Variants in MALRD1 observed in about 807,000 individuals in gnomAD.
MALRD1 encodes MAM and LDL-receptor class A domain-containing protein 1.
In MALRD1, 247 loss-of-function variants were observed where a neutral mutation model predicts 242.1. The observed-to-expected ratio is 1.02, with a 90% CI of 0.92 to 1.13. The LOEUF (loss-of-function observed/expected upper bound fraction) is 1.13. MALRD1 is among the 50% of genes most tolerant of loss of function. The pLI is 0.00. For synonymous variants in MALRD1, 995 were observed against 866.6 expected (o/e 1.15, Z -2.60); for missense variants, 2,989 against 2,533.1 (o/e 1.18, Z -3.86).
At chr10:19,281,778 C>G (rs1026329248) in intron 20 of MALRD1, among the ~76,000 whole-genome samples, 1 of 152,052 alleles carries the variant, frequency 6.6e-6, no homozygotes, top group African/African-American at 2.4e-5. Context: ...TTGAGACCAG[C>G]TTGGCCAACA....
chr10:19,142,197 A>AAAAAAAAT (rs1833573050), intron 10 of MALRD1, among the ~76,000 whole-genome samples: 1 of 148,576 alleles, frequency 6.7e-6, no homozygotes, highest in African/African-American at 2.5e-5. Context: ...AAAAAAAAAA[A>AAAAAAAAT]GTGGAATGCT....
chr10:19,498,989 T>C (rs1037442134), intron 31 of MALRD1, among the ~76,000 whole-genome samples: 4 of 152,150 alleles, frequency 2.6e-5, no homozygotes, highest in Non-Finnish European at 2.9e-5. Flanking sequence ...CAACTGGCAA[T>C]GCTAAAAGTT....
At chr10:19,678,348 G>GGA (rs1842222301) in intron 36 of MALRD1, among the ~76,000 whole-genome samples, 1 of 152,126 alleles carries the variant, frequency 6.6e-6, no homozygotes, top group African/African-American at 2.4e-5. Flanking sequence ...CTTTCCTTGA[G>GGA]GAGAGGTTTG....
rs572603267 is a variant in MALRD1 at position 19,292,274 on chromosome 10, C to T, written c.3419+9093C>T. On this transcript the variant is annotated intron_variant, in intron 21 of 39. Transcript: ENST00000454679. ...CGTTTTTGCATACATGATCTCTTCT[C>T]GGTCTAATCAAAATTACCTTTGTCT... Among the ~76,000 whole-genome samples the T allele has an allele frequency of 1.9e-3, 295 of 152,072 alleles. 2 individuals carry two copies. The highest frequency in any genetic ancestry group is 3.4e-3 in the Middle Eastern group (1 of 294).
intron 8 of MALRD1, among the ~76,000 whole-genome samples, chr10:19,129,857 CTA>C (rs1182748928): frequency 6.7e-6 from 1 of 149,100 alleles, no homozygotes; most frequent in Non-Finnish European, 1.5e-5. Flanking sequence ...ATATATATCT[CTA>C]CACATCCATA....
chr10:19,702,574 G>T (rs1232579697), intron 38 of MALRD1, among the ~76,000 whole-genome samples: 1 of 152,084 alleles, frequency 6.6e-6, no homozygotes, highest in Admixed American at 6.6e-5. Context: ...AGATTATCTA[G>T]AATTTATTTA....
intron 18 of MALRD1, among the ~76,000 whole-genome samples, chr10:19,215,762 C>T (rs2358359): frequency 0.81 from 79,210 of 97,494 alleles, 34,940 homozygotes; most frequent in African/African-American, 0.91. Flanking sequence ...TTAGTATAAA[C>T]AAATAATTTA....
intron 29 of MALRD1, among the ~76,000 whole-genome samples, chr10:19,453,937 C>T (rs1835474806): frequency 6.6e-6 from 1 of 151,974 alleles, no homozygotes; most frequent in Non-Finnish European, 1.5e-5. Flanking sequence ...GCCTGTAGTC[C>T]CAGCTACTCA....
rs10827306 is a variant in MALRD1 at position 19,352,106 on chromosome 10, T to A, written c.4250T>A (p.Val1417Glu). ...NQTKVLLNLTVEQGNFWRREE... is the reference protein window; with the variant it reads ...NQTKVLLNLTEEQGNFWRREE... ...ACGAAGGTTCTACTTAACCTCACTG[T>A]AGAACAAGGCAATTTCTGGCGGAGA... Residue 1417 changes from valine to glutamate, a missense_variant, in exon 26 of 40, where the codon GTA becomes GAA. Transcript: ENST00000454679. The A allele has an allele frequency of 5.1e-4, 793 of 1,550,334 alleles. 1 individual carries two copies. The highest frequency in any genetic ancestry group is 6.3e-4 in the Non-Finnish European group (725 of 1,146,894).
chr10:19,049,557 C>T (rs1221742632), intron 1 of MALRD1, among the ~76,000 whole-genome samples: 2 of 152,132 alleles, frequency 1.3e-5, no homozygotes, highest in Admixed American at 6.5e-5. Context: ...ATTTTATTTT[C>T]ATTTACAGAA....
intron 38 of MALRD1, chr10:19,728,561 T>G (rs1835147923): frequency 6.6e-6 from 1 of 152,160 alleles, no homozygotes; most frequent in East Asian, 1.9e-4. Context: ...GGTTGTATGC[T>G]CAGGCTTTGA....
At chr10:19,360,752 G>T (rs1844856687) in intron 26 of MALRD1, among the ~76,000 whole-genome samples, 1 of 151,968 alleles carries the variant, frequency 6.6e-6, no homozygotes, top group Non-Finnish European at 1.5e-5. Context: ...TTTACCCAGT[G>T]CATCAATTTA....
In MALRD1 at chr10:19,273,339, T is replaced by C. The variant is rs78767758; in HGVS notation, c.3080-6708T>C. 9.2e-3 allele frequency among the ~76,000 whole-genome samples: 1,407 copies of C among 152,288 alleles called. 16 individuals are homozygous for C. The highest frequency in any genetic ancestry group is 0.032 in the African/African-American group (1,332 of 41,566). ...CTTTGAAAAAGGTTTGATATTTTCT[T>C]TTAGAATTAAACATAGTCTTACCAT... On this transcript the variant is annotated intron_variant, in intron 19 of 39. Transcript: ENST00000454679.
chr10:19,208,096 T>C (rs1836866983), intron 17 of MALRD1, among the ~76,000 whole-genome samples: 1 of 152,136 alleles, frequency 6.6e-6, no homozygotes, highest in Non-Finnish European at 1.5e-5. Context: ...TTTTTTTTTT[T>C]TTTACCACAG....
At chr10:19,178,974 G>A (rs758507705) in intron 14 of MALRD1, among the ~76,000 whole-genome samples, 1 of 152,168 alleles carries the variant, frequency 6.6e-6, no homozygotes, top group Non-Finnish European at 1.5e-5. Context: ...ATGACTTGCC[G>A]GTGAGAACAA....
intron 14 of MALRD1, among the ~76,000 whole-genome samples, chr10:19,194,088 A>G (rs1183356687): frequency 2.6e-5 from 4 of 151,992 alleles, no homozygotes; most frequent in Non-Finnish European, 5.9e-5. Context: ...TCATATCACC[A>G]TAGTACTAAC....
At chr10:19,313,648 T>G (rs1215575075) in intron 21 of MALRD1, among the ~76,000 whole-genome samples, 1 of 151,624 alleles carries the variant, frequency 6.6e-6, no homozygotes, top group African/African-American at 2.4e-5. Context: ...TCAATTAAAA[T>G]GTTTTATAAA....
Position 19,713,046 on chromosome 10 carries a change from G to T in MALRD1, c.6315-17660G>T, listed in dbSNP as rs995469586. The stretch of plus-strand genomic sequence containing the variant: ...TAATTCTTAGAAACCAGAAATGAAG[G>T]GGGGGGTTCCTCTTTCAGCTTTGGA... On this transcript the variant is annotated intron_variant, in intron 38 of 39. Coordinates refer to ENST00000454679, the MANE Select transcript of MALRD1 (RefSeq NM_001142308.3). Among the ~76,000 whole-genome samples, 3 of 31,646 alleles carry T rather than the reference G, an allele frequency of 9.5e-5. No individual in the cohort carries two copies. In the East Asian group the frequency reaches 3.2e-3, roughly 34 times the overall value. The allele number at this position is 31,646 out of a possible 152,430, so 20.8% of individuals were successfully genotyped here. A position where few individuals can be genotyped will look rare whatever the true frequency, so the allele number is the denominator to read the frequency against.
intron 15 of MALRD1, 62 bp from the exon 16 acceptor site, chr10:19,204,246 A>G: frequency 9.7e-7 from 1 of 1,034,392 alleles, no homozygotes; most frequent in Non-Finnish European, 1.4e-6. Context: ...TAAGAGACAG[A>G]TGTCTCATTT....
Sources: gnomAD v4.1 joint callset for allele counts (sites outside exome capture counted in the v4.1 genomes callset) on GRCh38, gnomAD v4.1.1 for gene constraint, MANE v1.5 for transcripts, NCBI Gene and HGNC (gene_info 2026-07-23, HGNC 2026-07-21) for gene names.